HOOK3: variants seen among roughly 807,000 people sequenced by gnomAD.
The protein encoded by HOOK3 is hook microtubule tethering protein 3, also known as protein Hook homolog 3.
In HOOK3, 24 loss-of-function variants were observed where a neutral mutation model predicts 116.3. The ratio of observed to expected loss-of-function variants is 0.21; its 90% CI spans 0.15 to 0.29. The LOEUF (loss-of-function observed/expected upper bound fraction) is 0.29. Among genes scored for constraint, HOOK3 ranks in the 10% least tolerant of loss-of-function variants. The pLI, the probability that HOOK3 is intolerant of heterozygous loss-of-function variation, is 1.00. For missense variants in HOOK3, 632 were observed against 830.2 expected (o/e 0.76, Z 2.93); for synonymous variants, 275 against 283.0 (o/e 0.97, Z 0.28).
intron 2 of HOOK3, among the ~76,000 whole-genome samples, chr8:42,918,892 C>T (rs1279727456): frequency 2.6e-5 from 4 of 152,250 alleles, no homozygotes; most frequent in Non-Finnish European, 4.4e-5. Flanking sequence ...TTCGACAAAA[C>T]CGCCATCGTC....
intron 21 of HOOK3, among the ~76,000 whole-genome samples, chr8:43,013,864 C>T (rs760435423): frequency 6.6e-6 from 1 of 152,188 alleles, no homozygotes; most frequent in Non-Finnish European, 1.5e-5. Flanking sequence ...AACTAATGCT[C>T]ATCAGCATCC....
In HOOK3 at chr8:42,938,035, T is replaced by C. The variant is rs542127999; in HGVS notation, c.268-5278T>C. On this transcript the variant is annotated intron_variant, in intron 4 of 21. Transcript: ENST00000307602. Reference sequence around the variant, plus strand: ...TTGTGTGGGAGTCTAAGTCTCTTTATAGGTCTCTAAGAACTTGCTTTATGA... The same window carrying C: ...TTGTGTGGGAGTCTAAGTCTCTTTACAGGTCTCTAAGAACTTGCTTTATGA... Among the ~76,000 whole-genome samples the C allele has an allele frequency of 2.6e-5, 4 of 152,308 alleles. No homozygotes were observed. The South Asian group carries it at 6.2e-4, about 24-fold the overall frequency.
At chr8:42,906,026 G>T in intron 1 of HOOK3, 147 bp from the exon 2 acceptor site, 2 of 649,190 alleles carry the variant, frequency 3.1e-6, no homozygotes, top group South Asian at 1.7e-5. Context: ...GGTGGAGGTT[G>T]CAGTGAGCCA....
At chr8:42,935,313 G>A (rs1807946771) in intron 4 of HOOK3, among the ~76,000 whole-genome samples, 1 of 151,360 alleles carries the variant, frequency 6.6e-6, no homozygotes, top group South Asian at 2.1e-4. Flanking sequence ...TGGATAGATT[G>A]CAGAAATTTT....
Position 43,004,366 on chromosome 8 carries a change from C to CAA in HOOK3, c.1655+2239_1655+2240dup, listed in dbSNP as rs1385118465. The stretch of plus-strand genomic sequence containing the variant: ...TGAGCAACAGAGCAAGACTCTGTCT[C>CAA]AAAAAAAAAAAAAAAGAAAGAAAAG... On this transcript the variant is annotated intron_variant, in intron 17 of 21. Coordinates refer to ENST00000307602, the MANE Select transcript of HOOK3 (RefSeq NM_032410.4). Among the ~76,000 whole-genome samples, 313 of 83,736 alleles carry CAA rather than the reference C, an allele frequency of 3.7e-3. 1 individual carries two copies. The highest frequency in any genetic ancestry group is 0.013 in the African/African-American group (296 of 22,942). 54.9% of individuals were successfully genotyped at this position (83,736 alleles called of 152,430 possible).
At chr8:43,014,383 G>T (rs556347028) in intron 21 of HOOK3, among the ~76,000 whole-genome samples, 15 of 150,668 alleles carry the variant, frequency 1.0e-4, no homozygotes, top group Non-Finnish European at 2.1e-4. Context: ...ATAGAGTCTC[G>T]CTGTGTATCC....
intron 3 of HOOK3, among the ~76,000 whole-genome samples, chr8:42,927,259 TTGG>T (rs1181300823): frequency 6.9e-6 from 1 of 145,384 alleles, no homozygotes; most frequent in Non-Finnish European, 1.5e-5. Context: ...TTTTTTTTTT[TTGG>T]TTTTTTTTTT....
chr8:42,981,633 C>T (rs1808945576), intron 13 of HOOK3, among the ~76,000 whole-genome samples: 1 of 152,074 alleles, frequency 6.6e-6, no homozygotes, highest in Non-Finnish European at 1.5e-5. Flanking sequence ...CCTTTAATCC[C>T]AGCACTTTGG....
At chr8:42,906,136 C>T (rs1586584596) in intron 1 of HOOK3, 37 bp from the exon 2 acceptor site, 1 of 1,189,348 alleles carries the variant, frequency 8.4e-7, no homozygotes, top group East Asian at 2.9e-5. Context: ...GAGGTAACCA[C>T]AGAATCTCTC....
chr8:43,005,634 A>G (rs1461785960), intron 17 of HOOK3, among the ~76,000 whole-genome samples: 1 of 152,100 alleles, frequency 6.6e-6, no homozygotes, highest in Non-Finnish European at 1.5e-5. Context: ...AGAGACATGC[A>G]TGACTACTAA....
intron 15 of HOOK3, among the ~76,000 whole-genome samples, chr8:42,989,755 C>G (rs1358799242): frequency 6.6e-6 from 1 of 152,142 alleles, no homozygotes; most frequent in African/African-American, 2.4e-5. Context: ...TTCCCAGCCT[C>G]TGGTAACCAT....
chr8:42,938,942 C>T (rs1808033094), intron 4 of HOOK3, among the ~76,000 whole-genome samples: 1 of 152,094 alleles, frequency 6.6e-6, no homozygotes. Flanking sequence ...TGCCTTCAAG[C>T]ATCTGTTTAA....
chr8:43,001,361 T>G (rs1257773968), intron 16 of HOOK3, among the ~76,000 whole-genome samples: 10 of 152,172 alleles, frequency 6.6e-5, no homozygotes, highest in Non-Finnish European at 1.3e-4. Context: ...ATTTGTTTTA[T>G]AAGCCTATAT....
chr8:43,026,356 A>T lies in HOOK3; in HGVS notation c.*7858A>T, dbSNP rs955743462. 1 of 196,060 alleles carries T rather than the reference A, an allele frequency of 5.1e-6. No homozygotes were observed. Among genetic ancestry groups the T allele is most frequent in the Non-Finnish European group, 1.1e-5 (1 of 94,590 alleles). 12.1% of individuals were successfully genotyped at this position (196,060 alleles called of 1,614,324 possible). On this transcript the variant is annotated 3_prime_UTR_variant, in exon 22 of 22. Transcript: ENST00000307602. ...ACTGCAAAATTTGTAGCACTTTACT[A>T]ATATTAGATCATTATTTTCCCTCTT... is the stretch of plus-strand genomic sequence containing the variant.
chr8:42,939,945 C>T (rs1808071830), intron 4 of HOOK3, among the ~76,000 whole-genome samples: 1 of 150,894 alleles, frequency 6.6e-6, no homozygotes, highest in African/African-American at 2.4e-5. Flanking sequence ...AAGAGGCGCT[C>T]CTCACTTCCT....
At chr8:43,012,371 T>C (rs1809629879) in intron 19 of HOOK3, among the ~76,000 whole-genome samples, 1 of 152,240 alleles carries the variant, frequency 6.6e-6, no homozygotes, top group Admixed American at 6.5e-5. Context: ...ATTTTTGTGA[T>C]AGGACTTTTT....
chr8:42,974,428 G>T (rs890755627), intron 13 of HOOK3, among the ~76,000 whole-genome samples: 1 of 151,682 alleles, frequency 6.6e-6, no homozygotes, highest in Non-Finnish European at 1.5e-5. Context: ...TAGTAGAGAT[G>T]GGGTTTCACC....
At chr8:42,971,721 C>T (rs1482028168) in intron 11 of HOOK3, among the ~76,000 whole-genome samples, 1 of 151,678 alleles carries the variant, frequency 6.6e-6, no homozygotes, top group Non-Finnish European at 1.5e-5. Flanking sequence ...GGCTCTGTGG[C>T]CCAGGTTGGA....
chr8:42,912,319 T>A (rs1219861831), intron 2 of HOOK3, among the ~76,000 whole-genome samples: 1 of 152,174 alleles, frequency 6.6e-6, no homozygotes, highest in Non-Finnish European at 1.5e-5. Context: ...TTTGTTTGTT[T>A]TATCTGATTT....
Sources: allele counts gnomAD v4.1 joint callset (sites outside exome capture counted in the v4.1 genomes callset), GRCh38; gene constraint gnomAD v4.1.1; transcripts MANE v1.5; gene names NCBI Gene and HGNC (gene_info 2026-07-23, HGNC 2026-07-21).